MRAP2: variants seen among roughly 807,000 people sequenced by gnomAD.
MRAP2 encodes the protein melanocortin-2 receptor accessory protein 2.
A neutral mutation model predicts 17.4 loss-of-function variants in MRAP2; 20 were observed. The ratio of observed to expected loss-of-function variants is 1.15; its 90% CI spans 0.81 to 1.67. The LOEUF is 1.67. Among genes scored for constraint, MRAP2 ranks in the 40% most tolerant of loss-of-function variants. MRAP2 has a pLI of 0.00. For synonymous variants in MRAP2, 96 were observed against 88.4 expected (o/e 1.09, Z -0.48); for missense variants, 238 against 240.0 (o/e 0.99, Z 0.05).
chr6:84,055,649 A>G (rs1311882801), intron 2 of MRAP2, among the ~76,000 whole-genome samples: 1 of 152,180 alleles, frequency 6.6e-6, no homozygotes, highest in Non-Finnish European at 1.5e-5. Flanking sequence ...ATTCTAATTG[A>G]TGAAAGACTA....
chr6:84,130,688 G>T, the MRAP2 span, among the ~76,000 whole-genome samples: 2 of 152,122 alleles, frequency 1.3e-5, no homozygotes, highest in Admixed American at 6.5e-5. Context: ...GTATTTCTGT[G>T]GGATCGGTGG....
the MRAP2 span, among the ~76,000 whole-genome samples, chr6:84,135,071 ATTT>A: frequency 2.0e-5 from 3 of 152,128 alleles, no homozygotes; most frequent in Non-Finnish European, 4.4e-5. Context: ...CAATATTTGT[ATTT>A]ATTTATGAAT....
At chr6:84,117,345 A>C in the MRAP2 span, among the ~76,000 whole-genome samples, 152 of 152,062 alleles carry the variant, frequency 1.0e-3, no homozygotes, top group African/African-American at 3.6e-3. Flanking sequence ...TTTTTATTTT[A>C]TCTCTGCTGA....
chr6:84,056,553 G>A (rs1451675227), intron 2 of MRAP2, among the ~76,000 whole-genome samples: 1 of 152,270 alleles, frequency 6.6e-6, no homozygotes, highest in East Asian at 1.9e-4. Context: ...CATTTATCAA[G>A]GTATGCTGTC....
intron 3 of MRAP2, among the ~76,000 whole-genome samples, chr6:84,085,617 C>T: frequency 6.6e-6 from 1 of 152,162 alleles, no homozygotes; most frequent in East Asian, 1.9e-4. Context: ...ATCATTTACA[C>T]ACATGCATAA....
the MRAP2 span, among the ~76,000 whole-genome samples, chr6:84,123,395 C>T: frequency 6.6e-6 from 1 of 151,744 alleles, no homozygotes; most frequent in Admixed American, 6.6e-5. Context: ...GTCAATGGAA[C>T]GGAATAGAGA....
chr6:84,082,952 C>G (rs1196405569), intron 3 of MRAP2, among the ~76,000 whole-genome samples: 5 of 152,032 alleles, frequency 3.3e-5, no homozygotes, highest in Admixed American at 6.6e-5. Flanking sequence ...CACAGACACC[C>G]CTTCCCCTTT....
the MRAP2 span, among the ~76,000 whole-genome samples, chr6:84,131,660 C>T: frequency 1.9e-4 from 27 of 142,262 alleles, no homozygotes; most frequent in African/African-American, 4.7e-4. Context: ...GGATTGCAAC[C>T]GCTGCTTTTT....
chr6:84,053,263 C>A (rs1562875824), intron 1 of MRAP2, among the ~76,000 whole-genome samples: 1 of 152,134 alleles, frequency 6.6e-6, no homozygotes, highest in Admixed American at 6.6e-5. Context: ...CTCTGCTCTG[C>A]TATTATAGTA....
At chr6:84,122,481 C>G in the MRAP2 span, among the ~76,000 whole-genome samples, 4 of 151,062 alleles carry the variant, frequency 2.6e-5, no homozygotes, top group African/African-American at 4.9e-5. Context: ...ACAAAAACTA[C>G]ATGATCATCT....
At chr6:84,069,546 G>T (rs2497145) in intron 3 of MRAP2, among the ~76,000 whole-genome samples, 10,294 of 151,960 alleles carry the variant, frequency 0.068, 413 homozygotes, top group African/African-American at 0.1. Context: ...ATATCGGTCT[G>T]TAGTTTTCTT....
At chr6:84,106,679 G>A in the MRAP2 span, among the ~76,000 whole-genome samples, 2 of 152,268 alleles carry the variant, frequency 1.3e-5, no homozygotes, top group South Asian at 4.1e-4. Context: ...TGCAGGCTGG[G>A]AGAAAGAAGA....
At chr6:84,052,371 C>G (rs1349955638) in intron 1 of MRAP2, among the ~76,000 whole-genome samples, 3 of 152,134 alleles carry the variant, frequency 2.0e-5, no homozygotes, top group Admixed American at 6.5e-5. Flanking sequence ...GCGGGAATAG[C>G]AGACTCTGGG....
the MRAP2 span, among the ~76,000 whole-genome samples, chr6:84,096,597 T>C: frequency 6.6e-6 from 1 of 152,304 alleles, no homozygotes; most frequent in South Asian, 2.1e-4. Context: ...TAGGTTGTGT[T>C]CCATAAAAGC....
chr6:84,111,404 T>A, the MRAP2 span, among the ~76,000 whole-genome samples: 3 of 152,184 alleles, frequency 2.0e-5, no homozygotes, highest in Non-Finnish European at 2.9e-5. Context: ...TGGCTCTCTC[T>A]TTGTCTATTA....
chr6:84,115,087 C>A, the MRAP2 span, among the ~76,000 whole-genome samples: 1 of 152,198 alleles, frequency 6.6e-6, no homozygotes, highest in Non-Finnish European at 1.5e-5. Context: ...TGTCTCTTAG[C>A]AGAGCTTGAA....
rs188921877 is a variant in MRAP2 at position 84,036,849 on chromosome 6, A to G, written c.-8+2966A>G. ...TTTACAATCCCTGAGCTAGACACAG[A>G]GTGCTGATTGGTGTATTTACAATCC... On this transcript the variant is annotated intron_variant, in intron 1 of 3. Transcript: ENST00000257776. Among the ~76,000 whole-genome samples, 3 of 152,346 alleles carry G rather than the reference A, an allele frequency of 2.0e-5. No individual in the cohort carries two copies. The East Asian group carries it at 5.8e-4, about 29-fold the overall frequency.
chr6:84,062,530 C>T (rs2099493427), intron 2 of MRAP2: 1 of 984,636 alleles, frequency 1.0e-6, no homozygotes, highest in South Asian at 4.7e-5. Context: ...AATCCAAATG[C>T]ACTTAAAACT....
chr6:84,043,017 A>G (rs1373496836), intron 1 of MRAP2, among the ~76,000 whole-genome samples: 2 of 152,190 alleles, frequency 1.3e-5, no homozygotes, highest in Non-Finnish European at 2.9e-5. Flanking sequence ...CTGTTTGGAG[A>G]CAGATACCAC....
Sources: gnomAD v4.1 joint callset for allele counts (sites outside exome capture counted in the v4.1 genomes callset) on GRCh38, gnomAD v4.1.1 for gene constraint, MANE v1.5 for transcripts, NCBI Gene and HGNC (gene_info 2026-07-23, HGNC 2026-07-21) for gene names.